The following LRP1B variants were observed in gnomAD, a reference collection of about 807,000 sequenced individuals.
LRP1B encodes low-density lipoprotein receptor-related protein 1B.
LRP1B carries 217 observed loss-of-function variants against 556.6 expected under a neutral mutation model. The observed-to-expected ratio is 0.39, with a 90% CI of 0.35 to 0.44. LRP1B has a LOEUF of 0.44. LRP1B is among the 20% of genes least tolerant of loss of function. The pLI is 1.00. For synonymous variants in LRP1B, 2,047 were observed against 1,865.8 expected (o/e 1.10, Z -2.50); for missense variants, 5,053 against 5,620.8 (o/e 0.90, Z 3.23).
chr2:141,255,854 C>A (rs1232104261), intron 3 of LRP1B, among the ~76,000 whole-genome samples: 1 of 151,892 alleles, frequency 6.6e-6, no homozygotes, highest in East Asian at 1.9e-4. Context: ...CCCCTCTCAC[C>A]TAGTCAAGGA....
chr2:141,885,043 T>C (rs1699066520), intron 1 of LRP1B, among the ~76,000 whole-genome samples: 1 of 152,250 alleles, frequency 6.6e-6, no homozygotes, highest in South Asian at 2.1e-4. Flanking sequence ...TCATATTAAA[T>C]ATTCAAATTG....
chr2:141,001,799 T>C (rs1023921981), intron 15 of LRP1B, among the ~76,000 whole-genome samples: 7 of 152,116 alleles, frequency 4.6e-5, no homozygotes, highest in African/African-American at 9.7e-5. Flanking sequence ...CGCACGCATA[T>C]GCATGTGCAT....
At chr2:141,612,922 C>T (rs1336145048) in intron 2 of LRP1B, among the ~76,000 whole-genome samples, 3 of 152,108 alleles carry the variant, frequency 2.0e-5, no homozygotes, top group African/African-American at 7.2e-5. Flanking sequence ...CCCGCCTCAG[C>T]CTCCCGAGTA....
At chr2:140,651,145 C>G (rs1021428791) in intron 41 of LRP1B, among the ~76,000 whole-genome samples, 2 of 151,984 alleles carry the variant, frequency 1.3e-5, no homozygotes, top group African/African-American at 4.8e-5. Flanking sequence ...AACACCAGAA[C>G]CATCTGGCAG....
chr2:142,092,498 T>G (rs1003816617), intron 1 of LRP1B, among the ~76,000 whole-genome samples: 4 of 152,130 alleles, frequency 2.6e-5, no homozygotes, highest in Non-Finnish European at 4.4e-5. Context: ...CTTTTTAAAA[T>G]TAATAGATAT....
intron 3 of LRP1B, among the ~76,000 whole-genome samples, chr2:141,448,304 T>C (rs1681276012): frequency 6.6e-6 from 1 of 152,190 alleles, no homozygotes; most frequent in African/African-American, 2.4e-5. Context: ...TTCAGACTGC[T>C]GTGCTGGTAG....
chr2:142,077,412 C>T (rs1170499974), intron 1 of LRP1B, among the ~76,000 whole-genome samples: 1 of 152,070 alleles, frequency 6.6e-6, no homozygotes, highest in Non-Finnish European at 1.5e-5. Context: ...AACTTGGAGG[C>T]AGGATGTGTG....
At chr2:141,466,611 T>C (rs1200178755) in intron 3 of LRP1B, among the ~76,000 whole-genome samples, 1 of 152,096 alleles carries the variant, frequency 6.6e-6, no homozygotes, top group African/African-American at 2.4e-5. Context: ...AATAAGTTGC[T>C]TGGTAGGGAT....
chr2:141,558,150 T>A (rs771279025), intron 2 of LRP1B, among the ~76,000 whole-genome samples: 2 of 151,866 alleles, frequency 1.3e-5, no homozygotes, highest in Non-Finnish European at 2.9e-5. Flanking sequence ...TGATTTCTAA[T>A]CAGCATTCTA....
At chr2:142,103,752 T>C (rs1317537998) in intron 1 of LRP1B, among the ~76,000 whole-genome samples, 2 of 151,712 alleles carry the variant, frequency 1.3e-5, no homozygotes, top group African/African-American at 4.8e-5. Flanking sequence ...AGCAGAATAT[T>C]TTAAGCTAGA....
At chr2:140,460,395 T>C (rs187309630) in intron 60 of LRP1B, among the ~76,000 whole-genome samples, 125 of 152,284 alleles carry the variant, frequency 8.2e-4, no homozygotes, top group African/African-American at 2.9e-3. Context: ...AAAATCACCA[T>C]GAAATGTGAA....
In LRP1B at chr2:141,723,129, G is replaced by T. The variant is rs73963553; in HGVS notation, c.205+87150C>A. Among the ~76,000 whole-genome samples the T allele has an allele frequency of 7.5e-3, 1,140 of 151,864 alleles. 21 individuals carry two copies. The highest frequency in any genetic ancestry group is 0.026 in the African/African-American group (1,091 of 41,466). ...CATTGCCAGCATGCTTTTCAAAATC[G>T]TTGTTGACCTTGGCCCTCAGTGCTC... is the stretch of plus-strand genomic sequence containing the variant. On this transcript the variant is annotated intron_variant, in intron 2 of 90. Transcript: ENST00000389484.
At position 140,475,688 on chromosome 2, in the gene LRP1B, T is replaced by C. The variant is rs16844077; in HGVS notation, c.9426-351A>G. Among the ~76,000 whole-genome samples the C allele has an allele frequency of 8.5e-3, 1,294 of 151,830 alleles. 27 individuals are homozygous for C. The highest frequency in any genetic ancestry group is 0.028 in the African/African-American group (1,146 of 41,430). On this transcript the variant is annotated intron_variant, in intron 59 of 90. Coordinates refer to ENST00000389484, the MANE Select transcript of LRP1B (RefSeq NM_018557.3). ...AATGTTGAAGGAATACAATTATCACTATATATACTTTCTCTTTTGGTGTGT... is the reference window on the plus strand; with the variant it reads ...AATGTTGAAGGAATACAATTATCACCATATATACTTTCTCTTTTGGTGTGT...
chr2:140,878,343 T>A (rs1693372826), intron 25 of LRP1B, among the ~76,000 whole-genome samples: 1 of 152,160 alleles, frequency 6.6e-6, no homozygotes, highest in South Asian at 2.1e-4. Flanking sequence ...ATAAGATTGT[T>A]TTGTATAAAA....
At chr2:140,912,263 A>G (rs1573871603) in intron 21 of LRP1B, among the ~76,000 whole-genome samples, 1 of 151,740 alleles carries the variant, frequency 6.6e-6, no homozygotes, top group South Asian at 2.1e-4. Flanking sequence ...CTTTAAACAT[A>G]TTGATTTTTA....
intron 1 of LRP1B, among the ~76,000 whole-genome samples, chr2:141,849,280 T>G (rs536251492): frequency 6.6e-6 from 1 of 151,708 alleles, no homozygotes; most frequent in Non-Finnish European, 1.5e-5. Flanking sequence ...AATGAAAATT[T>G]TGTCTCTTCA....
At chr2:140,559,285 G>A (rs1466430257) in intron 43 of LRP1B, among the ~76,000 whole-genome samples, 3 of 151,832 alleles carry the variant, frequency 2.0e-5, no homozygotes, top group African/African-American at 7.3e-5. Flanking sequence ...AAATATTTAA[G>A]AGACATATCA....
At chr2:141,922,441 C>A (rs1489207499) in intron 1 of LRP1B, among the ~76,000 whole-genome samples, 2 of 152,140 alleles carry the variant, frequency 1.3e-5, no homozygotes, top group Admixed American at 6.6e-5. Flanking sequence ...TAAAACGTCA[C>A]CTCCTAACTT....
At chr2:140,334,335 CTAAA>C (rs1379775448) in intron 79 of LRP1B, 114 bp downstream of exon 79, 3 of 656,118 alleles carry the variant, frequency 4.6e-6, no homozygotes, top group South Asian at 3.6e-5. Flanking sequence ...AAATCATACT[CTAAA>C]TAGTTTTATC....
Sources: gnomAD v4.1 joint callset for allele counts (sites outside exome capture counted in the v4.1 genomes callset) on GRCh38, gnomAD v4.1.1 for gene constraint, MANE v1.5 for transcripts, NCBI Gene and HGNC (gene_info 2026-07-23, HGNC 2026-07-21) for gene names.